Variants in PHF21A observed in about 807,000 individuals in gnomAD.
The protein encoded by PHF21A is PHD finger protein 21A, also known as BHC80a.
In PHF21A, 11 loss-of-function variants were observed where a neutral mutation model predicts 82.5. The ratio of observed to expected loss-of-function variants is 0.13; its 90% CI spans 0.08 to 0.22. PHF21A has a LOEUF of 0.22. Ranked by LOEUF, PHF21A falls within the 10% of genes least tolerant of loss-of-function variation. The pLI is 1.00. For synonymous variants in PHF21A, 297 were observed against 302.8 expected (o/e 0.98, Z 0.20); for missense variants, 579 against 837.8 (o/e 0.69, Z 3.81).
intron 6 of PHF21A, among the ~76,000 whole-genome samples, chr11:46,062,125 T>A (rs939950491): frequency 1.3e-5 from 2 of 151,998 alleles, no homozygotes; most frequent in Non-Finnish European, 2.9e-5. Flanking sequence ...GCTTTTAGGA[T>A]CTTTTATTCT....
chr11:45,996,485 C>A (rs746984909), intron 6 of PHF21A, among the ~76,000 whole-genome samples: 6 of 152,150 alleles, frequency 3.9e-5, no homozygotes, highest in Non-Finnish European at 8.8e-5. Context: ...ACAGTGGCCA[C>A]ATAAATGATT....
At chr11:46,113,751 G>A (rs1178380269) in intron 1 of PHF21A, among the ~76,000 whole-genome samples, 1 of 151,626 alleles carries the variant, frequency 6.6e-6, no homozygotes, top group Non-Finnish European at 1.5e-5. Context: ...GCTTGAACCT[G>A]GGAGGTGGAG....
chr11:46,057,916 A>G (rs986167432), intron 6 of PHF21A, among the ~76,000 whole-genome samples: 4 of 152,166 alleles, frequency 2.6e-5, no homozygotes, highest in African/African-American at 9.7e-5. Context: ...TGACTTAACT[A>G]CCAACCTGAC....
intron 6 of PHF21A, among the ~76,000 whole-genome samples, chr11:46,068,122 GA>G (rs1168148027): frequency 2.6e-5 from 4 of 152,156 alleles, no homozygotes; most frequent in Non-Finnish European, 5.9e-5. Context: ...GTATGAGAAT[GA>G]GTTGCTAAAG....
intron 4 of PHF21A, among the ~76,000 whole-genome samples, 156 bp from the exon 5 acceptor site, chr11:46,079,322 T>G (rs913241581): frequency 1.3e-5 from 2 of 152,124 alleles, no homozygotes; most frequent in African/African-American, 4.8e-5. Flanking sequence ...ATCCATGTAA[T>G]AGGCTCAGGA....
intron 6 of PHF21A, among the ~76,000 whole-genome samples, chr11:46,022,539 G>A (rs2095651915): frequency 6.6e-6 from 1 of 152,158 alleles, no homozygotes; most frequent in African/African-American, 2.4e-5. Flanking sequence ...ATGGCTAACT[G>A]CAGCCTCAAA....
chr11:46,063,005 G>T (rs2096554105), intron 6 of PHF21A, among the ~76,000 whole-genome samples: 1 of 152,182 alleles, frequency 6.6e-6, no homozygotes, highest in South Asian at 2.1e-4. Context: ...TGCTCATCTT[G>T]ATCGTGATGA....
chr11:46,111,074 C>T (rs959880611), intron 1 of PHF21A, among the ~76,000 whole-genome samples: 2 of 151,484 alleles, frequency 1.3e-5, no homozygotes, highest in Admixed American at 6.6e-5. Flanking sequence ...CGTGAGCCAC[C>T]GCGCCTGGCC....
intron 7 of PHF21A, among the ~76,000 whole-genome samples, chr11:45,977,811 G>A (rs2094106620): frequency 6.7e-6 from 1 of 150,344 alleles, no homozygotes; most frequent in Non-Finnish European, 1.5e-5. Context: ...ATACAGTATT[G>A]GTATTGCTTT....
At chr11:46,079,741 CTCTA>C (rs2096767641) in intron 4 of PHF21A, among the ~76,000 whole-genome samples, 4 of 152,070 alleles carry the variant, frequency 2.6e-5, no homozygotes, top group Admixed American at 1.3e-4. Flanking sequence ...CAATACAAAA[CTCTA>C]TCTAACTCGA....
intron 6 of PHF21A, chr11:46,049,291 G>T (rs1028727012): frequency 1.9e-5 from 7 of 359,054 alleles, no homozygotes; most frequent in African/African-American, 1.5e-4. Flanking sequence ...TGATAGTAAG[G>T]TATGTTGTCC....
intron 6 of PHF21A, among the ~76,000 whole-genome samples, chr11:46,050,860 C>T (rs901062435): frequency 6.6e-6 from 1 of 152,210 alleles, no homozygotes; most frequent in Non-Finnish European, 1.5e-5. Context: ...CTATGGCATA[C>T]ACCCCTCTCT....
intron 6 of PHF21A, among the ~76,000 whole-genome samples, chr11:46,073,516 G>A (rs1268846198): frequency 2.6e-5 from 4 of 151,878 alleles, no homozygotes; most frequent in African/African-American, 7.3e-5. Flanking sequence ...ATTTATTGTG[G>A]AGCATTTAGA....
At chr11:46,080,453 T>C (rs2096777201) in intron 4 of PHF21A, among the ~76,000 whole-genome samples, 3 of 151,916 alleles carry the variant, frequency 2.0e-5, no homozygotes, top group South Asian at 2.1e-4. Context: ...CCACCCGCCC[T>C]AACTTCTTAA....
rs142948382 is a variant in PHF21A, at chr11:45,934,054, C to T, written c.1960G>A (p.Ala654Thr). 9.5e-5 allele frequency: 154 copies of T among 1,613,516 alleles called. 1 individual carries two copies. The South Asian group carries it at 1.5e-3, about 16-fold the overall frequency. The change falls in exon 19 of 19, where the codon GCC (alanine) becomes ACC (threonine). Residue 654 changes from alanine to threonine, a missense_variant. Ala to Thr is a moderately conservative substitution (Grantham distance 58). Around this residue, in one of 3 missense-constraint regions of PHF21A, gnomAD observed 157 missense variants for 149.4 expected, o/e 1.05. Coordinates refer to ENST00000676320, the MANE Select transcript of PHF21A (RefSeq NM_001352027.3). ...ISNGPDCTPPANAATSTPAPS... is the reference protein window; with the variant it reads ...ISNGPDCTPPTNAATSTPAPS... The stretch of plus-strand genomic sequence containing the variant: ...GCCGGCGTGGAGGTGGCGGCATTGG[C>T]AGGGGGGGTGCAGTCCGGGCCATTG...
intron 6 of PHF21A, among the ~76,000 whole-genome samples, chr11:46,024,902 T>TAG (rs759108775): frequency 1.3e-5 from 2 of 152,226 alleles, no homozygotes; most frequent in Non-Finnish European, 2.9e-5. Context: ...TAGTGACTCC[T>TAG]AGTTCTAGAC....
chr11:46,052,997 T>A (rs1448414426), intron 6 of PHF21A, among the ~76,000 whole-genome samples: 1 of 152,138 alleles, frequency 6.6e-6, no homozygotes, highest in African/African-American at 2.4e-5. Context: ...AAATCAGGGA[T>A]GAAAAGAAGC....
At chr11:46,023,023 T>C (rs1463316107) in intron 6 of PHF21A, among the ~76,000 whole-genome samples, 2 of 152,098 alleles carry the variant, frequency 1.3e-5, no homozygotes, top group Non-Finnish European at 2.9e-5. Flanking sequence ...AGCGCTGAGA[T>C]TATGGGCATG....
chr11:45,940,387 G>A (rs940397269), intron 15 of PHF21A, among the ~76,000 whole-genome samples: 1 of 151,896 alleles, frequency 6.6e-6, no homozygotes, highest in African/African-American at 2.4e-5. Flanking sequence ...GTAGAAACAG[G>A]GTTTCACCAT....
Sources: gnomAD v4.1 joint callset for allele counts (sites outside exome capture counted in the v4.1 genomes callset) on GRCh38, gnomAD v4.1.1 for gene constraint, gnomAD v4.1.1 regional missense constraint, MANE v1.5 for transcripts, NCBI Gene and HGNC (gene_info 2026-07-23, HGNC 2026-07-21) for gene names.